The following APCDD1L variants were observed in gnomAD, a reference collection of about 807,000 sequenced individuals.
APCDD1L encodes the protein APC down-regulated 1 like.
APCDD1L carries 21 observed loss-of-function variants against 24.2 expected under a neutral mutation model. The observed-to-expected ratio is 0.87, with a 90% confidence interval of 0.61 to 1.25. APCDD1L has a LOEUF of 1.25. Ranked by LOEUF, APCDD1L falls within the 50% of genes most tolerant of loss-of-function variation. APCDD1L has a pLI of 0.00. For synonymous variants in APCDD1L, 321 were observed against 323.6 expected (o/e 0.99, Z 0.09); for missense variants, 704 against 711.7 (o/e 0.99, Z 0.12).
chr20:58,474,799 C>T (rs1202131382), intron 1 of APCDD1L, among the ~76,000 whole-genome samples: 4 of 152,156 alleles, frequency 2.6e-5, no homozygotes, highest in Admixed American at 6.5e-5. Flanking sequence ...TTCACAATAC[C>T]GTGCAAACAC....
rs1990720710 is a variant in APCDD1L at position 58,515,177 on chromosome 20, G to A, written c.-470C>T. ...AGGCCGTTCCCTGGAAGGGCAAGCG[G>A]GGCGGGGAGTTCCTCTAAGCCCCGC... On this transcript the variant is annotated 5_prime_UTR_variant, in exon 1 of 4. Transcript: ENST00000371149. 5.8e-6 allele frequency: 1 copy of A among 173,830 alleles called. No homozygotes were observed. Among genetic ancestry groups the A allele is most frequent in the Admixed American group, 6.3e-5 (1 of 15,820 alleles). The allele number at this position is 173,830 out of a possible 1,614,324, so 10.8% of individuals were successfully genotyped here.
intron 1 of APCDD1L, among the ~76,000 whole-genome samples, chr20:58,489,472 A>G (rs2123167209): frequency 6.6e-6 from 1 of 152,284 alleles, no homozygotes. Flanking sequence ...TCACGAGGTT[A>G]GGAGTTTGAG....
intron 1 of APCDD1L, among the ~76,000 whole-genome samples, chr20:58,473,215 T>C (rs1412866785): frequency 2.0e-5 from 3 of 152,200 alleles, no homozygotes; most frequent in Admixed American, 6.5e-5. Context: ...GAAATGTTTT[T>C]CTGTTCAAAA....
chr20:58,461,964 C>G lies in APCDD1L; in HGVS notation c.742-410G>C. ...GACTCTCCTCTCTCTACCCCTCACC[C>G]CTCATCAAACTGGAATGCATCGTGC... is the stretch of plus-strand genomic sequence containing the variant. On this transcript the variant is annotated intron_variant, in intron 3 of 3. Coordinates refer to ENST00000371149, the MANE Select transcript of APCDD1L (RefSeq NM_153360.3). This position sits in a 1 kb window ranked among gnomAD's most constrained non-coding sequence, Gnocchi z 6.0. 1 of 184,232 alleles carries G rather than the reference C, an allele frequency of 5.4e-6. No homozygotes were observed. The highest frequency in any genetic ancestry group is 6.2e-5 in the Admixed American group (1 of 16,158). 11.4% of individuals were successfully genotyped at this position (184,232 alleles called of 1,614,324 possible).
intron 1 of APCDD1L, among the ~76,000 whole-genome samples, chr20:58,505,425 T>A (rs1008128428): frequency 5.9e-5 from 9 of 152,180 alleles, no homozygotes; most frequent in South Asian, 4.1e-4. Context: ...TCCATTTTTT[T>A]TGGATATATA....
chr20:58,461,108 G>T lies in APCDD1L; in HGVS notation c.1188C>A (p.Thr396=). The T allele has an allele frequency of 1.2e-6, 2 of 1,613,998 alleles. No homozygotes were observed. The highest frequency in any genetic ancestry group is 8.5e-7 in the Non-Finnish European group (1 of 1,179,974). The part of the protein sequence containing the change: ...SMGTERDVTA[T]NGCLPLGIRL... The stretch of plus-strand genomic sequence containing the variant: ...GGATGCCCAGCGGTAGGCAGCCGTT[G>T]GTGGCTGTGACATCCCGCTCAGTGC... The change falls in exon 4 of 4, where the codon ACC becomes ACA. Residue 396 remains threonine (T), a synonymous_variant. Transcript: ENST00000371149. This position sits in a 1 kb window ranked among gnomAD's most constrained non-coding sequence, Gnocchi z 6.0.
chr20:58,513,719 C>T (rs960725842), intron 1 of APCDD1L: 5 of 451,878 alleles, frequency 1.1e-5, no homozygotes, highest in African/African-American at 6.1e-5. Flanking sequence ...CACGTGCTCT[C>T]GTAATCTTCA....
At chr20:58,465,991 A>G (rs1476837898) in intron 3 of APCDD1L, among the ~76,000 whole-genome samples, 1 of 151,994 alleles carries the variant, frequency 6.6e-6, no homozygotes, top group Non-Finnish European at 1.5e-5. Context: ...CTTAGGCTTC[A>G]CCAGCCACCA....
intron 1 of APCDD1L, among the ~76,000 whole-genome samples, chr20:58,492,971 A>G (rs1263140046): frequency 6.6e-6 from 1 of 152,002 alleles, no homozygotes; most frequent in East Asian, 1.9e-4. Context: ...ACACATACAC[A>G]TGCACTCACA....
In APCDD1L at chr20:58,463,356, C is replaced by A. The variant is rs142738474; in HGVS notation, c.742-1802G>T. Among the ~76,000 whole-genome samples, 560 of 152,192 alleles carry A rather than the reference C, an allele frequency of 3.7e-3. 3 individuals are homozygous for A. Among genetic ancestry groups the A allele is most frequent in the African/African-American group, 0.012 (516 of 41,524 alleles). On this transcript the variant is annotated intron_variant, in intron 3 of 3. Coordinates refer to ENST00000371149, the MANE Select transcript of APCDD1L (RefSeq NM_153360.3). ...ATGAGTTGGTTTTCCTCTGTCTTTG[C>A]CCTTATTTACAGTTGTCTCTGCCTT...
In APCDD1L at chr20:58,460,789, G is replaced by A. The variant is rs1384743797; in HGVS notation, c.*1C>T. On this transcript the variant is annotated 3_prime_UTR_variant, in exon 4 of 4. Transcript: ENST00000371149. This position sits in a 1 kb window ranked among gnomAD's most constrained non-coding sequence, Gnocchi z 4.2. ...CCGCCATCCTGATGTCAAGTCCAATGTCATAGCCAGTGGAGGAAGGCCAGC... is the reference window on the plus strand; with the variant it reads ...CCGCCATCCTGATGTCAAGTCCAATATCATAGCCAGTGGAGGAAGGCCAGC... The A allele has an allele frequency of 5.3e-6, 8 of 1,521,026 alleles. No individual in the cohort carries two copies. The highest frequency in any genetic ancestry group is 7.0e-6 in the Non-Finnish European group (8 of 1,134,922). The allele number at this position is 1,521,026 out of a possible 1,614,324, so 94.2% of individuals were successfully genotyped here.
intron 1 of APCDD1L, among the ~76,000 whole-genome samples, chr20:58,502,673 A>G (rs1990460305): frequency 6.6e-6 from 1 of 152,006 alleles, no homozygotes; most frequent in Non-Finnish European, 1.5e-5. Flanking sequence ...GCTCTCCTAA[A>G]TTAGAATTTG....
At chr20:58,498,559 G>C (rs1204185639) in intron 1 of APCDD1L, among the ~76,000 whole-genome samples, 1 of 152,242 alleles carries the variant, frequency 6.6e-6, no homozygotes, top group African/African-American at 2.4e-5. Flanking sequence ...AGCTGATAGG[G>C]ACCACTTGGG....
In APCDD1L at chr20:58,461,411, G is replaced by C. The variant is rs1448577560; in HGVS notation, c.885C>G (p.Val295=). ...VSSGCEVRPA[V]LFLTRLFTFH... Reference sequence around the variant, plus strand: ...AAGTGAAGAGCCGGGTGAGGAACAGGACTGCTGGGCGCACCTCGCACCCCG... The same window carrying C: ...AAGTGAAGAGCCGGGTGAGGAACAGCACTGCTGGGCGCACCTCGCACCCCG... The change falls in exon 4 of 4, where the codon GTC becomes GTG. Residue 295 remains valine, a synonymous_variant. Coordinates refer to ENST00000371149, the MANE Select transcript of APCDD1L (RefSeq NM_153360.3). This position sits in a 1 kb window ranked among gnomAD's most constrained non-coding sequence, Gnocchi z 6.0. 3 of 1,546,358 alleles carry C rather than the reference G, an allele frequency of 1.9e-6. No homozygotes were observed. The African/African-American group carries it at 4.1e-5, about 21-fold the overall frequency.
intron 1 of APCDD1L, among the ~76,000 whole-genome samples, chr20:58,485,277 A>G (rs925847802): frequency 3.9e-5 from 6 of 152,358 alleles, no homozygotes; most frequent in Middle Eastern, 3.4e-3. Flanking sequence ...ATGCATTAAT[A>G]TGTCAATAGA....
rs1266455407 is a variant in APCDD1L, at chr20:58,467,086, AC to A, written c.741+19del. On this transcript the variant is annotated intron_variant, in intron 3 of 3. Coordinates refer to ENST00000371149, the MANE Select transcript of APCDD1L (RefSeq NM_153360.3). The surrounding 1 kb of genome is among the most constrained non-coding windows in gnomAD (Gnocchi z 5.9). Reference sequence around the variant, plus strand: ...CGAGACCACCACCCCCCTCTCCCACACCCCAACACACACACTCACCAGTGCG... The same window carrying A: ...CGAGACCACCACCCCCCTCTCCCACACCCAACACACACACTCACCAGTGCG... 1 of 1,568,174 alleles carries A rather than the reference AC, an allele frequency of 6.4e-7. No individual in the cohort carries two copies. Among genetic ancestry groups the A allele is most frequent in the Non-Finnish European group, 8.6e-7 (1 of 1,160,630 alleles).
chr20:58,489,795 C>T (rs1382342993), intron 1 of APCDD1L, among the ~76,000 whole-genome samples: 1 of 152,008 alleles, frequency 6.6e-6, no homozygotes, highest in Non-Finnish European at 1.5e-5. Context: ...TTAGTATGGA[C>T]GGCAGATCTA....
rs193206174 is a variant in APCDD1L, at chr20:58,494,758, G to A, written c.49+19901C>T. On this transcript the variant is annotated intron_variant, in intron 1 of 3. Transcript: ENST00000371149. This position sits in a 1 kb window ranked among gnomAD's most constrained non-coding sequence, Gnocchi z 4.8. Reference sequence around the variant, plus strand: ...TCCATTCTGAAGTGCTACGAGCCCCGTACTTTGCCTGTGATTCCTGTCTCA... The same window carrying A: ...TCCATTCTGAAGTGCTACGAGCCCCATACTTTGCCTGTGATTCCTGTCTCA... 3.7e-4 allele frequency among the ~76,000 whole-genome samples: 56 copies of A among 152,254 alleles called. 1 individual carries two copies. The highest frequency in any genetic ancestry group is 1.0e-3 in the African/African-American group (43 of 41,542).
chr20:58,472,519 G>A (rs1989830661), intron 1 of APCDD1L, among the ~76,000 whole-genome samples: 3 of 152,210 alleles, frequency 2.0e-5, no homozygotes, highest in South Asian at 4.1e-4. Context: ...ACTTGGAGAC[G>A]GGGTAAAACG....
Sources: gnomAD v4.1 joint callset for allele counts (sites outside exome capture counted in the v4.1 genomes callset) on GRCh38, gnomAD v4.1.1 for gene constraint, Gnocchi (gnomAD v3.1) non-coding constraint, MANE v1.5 for transcripts, NCBI Gene and HGNC (gene_info 2026-07-23, HGNC 2026-07-21) for gene names.